Variants in CDKAL1 observed in about 807,000 individuals in gnomAD.
CDKAL1 encodes the protein CDKAL1 threonylcarbamoyladenosine tRNA methylthiotransferase.
CDKAL1 carries 32 observed loss-of-function variants against 68.2 expected under a neutral mutation model. The ratio of observed to expected loss-of-function variants is 0.47; its 90% CI spans 0.35 to 0.63. The LOEUF (loss-of-function observed/expected upper bound fraction) is 0.63. Ranked by LOEUF, CDKAL1 falls within the 30% of genes least tolerant of loss-of-function variation. The pLI, the probability that CDKAL1 is intolerant of heterozygous loss-of-function variation, is 0.00. For synonymous variants in CDKAL1, 234 were observed against 244.3 expected (o/e 0.96, Z 0.39); for missense variants, 606 against 696.7 (o/e 0.87, Z 1.47).
intron 10 of CDKAL1, among the ~76,000 whole-genome samples, chr6:20,984,816 G>GCA (rs1554152529): frequency 1.4e-5 from 2 of 145,440 alleles, no homozygotes; most frequent in African/African-American, 5.3e-5. Flanking sequence ...AGTAACGGGG[G>GCA]GGGGTGGGGA....
At chr6:20,628,187 A>C (rs1767515649) in intron 4 of CDKAL1, among the ~76,000 whole-genome samples, 1 of 152,070 alleles carries the variant, frequency 6.6e-6, no homozygotes, top group Non-Finnish European at 1.5e-5. Context: ...TTAGGGAGAA[A>C]GAATTTGTCT....
chr6:21,191,706 T>C (rs145062557), intron 13 of CDKAL1, among the ~76,000 whole-genome samples: 3 of 152,084 alleles, frequency 2.0e-5, no homozygotes, highest in Admixed American at 6.6e-5. Flanking sequence ...CATCTTACTT[T>C]CTTTGTCTGT....
At chr6:20,955,759 A>G (rs955280592) in intron 10 of CDKAL1, among the ~76,000 whole-genome samples, 174 bp downstream of exon 10, 13 of 152,110 alleles carry the variant, frequency 8.5e-5, no homozygotes, top group Non-Finnish European at 1.5e-4. Context: ...TTGGCAGGCA[A>G]CACTTTTTTA....
At chr6:20,696,835 TGA>T (rs1414424549) in intron 5 of CDKAL1, among the ~76,000 whole-genome samples, 2 of 152,180 alleles carry the variant, frequency 1.3e-5, no homozygotes, top group Non-Finnish European at 2.9e-5. Flanking sequence ...AGTTAGGACT[TGA>T]TGCAAACAGT....
chr6:21,075,528 A>G (rs1332021516), intron 12 of CDKAL1, among the ~76,000 whole-genome samples: 2 of 152,200 alleles, frequency 1.3e-5, no homozygotes, highest in Non-Finnish European at 2.9e-5. Context: ...AAAATAAATT[A>G]GACAATATAT....
chr6:20,915,001 T>C (rs1321862351), intron 9 of CDKAL1, among the ~76,000 whole-genome samples: 1 of 152,174 alleles, frequency 6.6e-6, no homozygotes, highest in Non-Finnish European at 1.5e-5. Context: ...GAATTTACTT[T>C]CTGAAATACT....
chr6:20,568,751 CAA>C (rs576218984), intron 4 of CDKAL1, among the ~76,000 whole-genome samples: 18,626 of 133,834 alleles, frequency 0.14, 2,775 homozygotes, highest in African/African-American at 0.36. Context: ...AAAAAAAAAA[CAA>C]AAAAACAAAA....
At chr6:21,054,659 T>C (rs1770732423) in intron 11 of CDKAL1, among the ~76,000 whole-genome samples, 1 of 152,200 alleles carries the variant, frequency 6.6e-6, no homozygotes, top group African/African-American at 2.4e-5. Flanking sequence ...CTTTAAATTC[T>C]CTCAGTTTAT....
intron 9 of CDKAL1, among the ~76,000 whole-genome samples, chr6:20,922,406 A>C (rs1456454394): frequency 6.6e-6 from 1 of 152,230 alleles, no homozygotes; most frequent in Non-Finnish European, 1.5e-5. Context: ...GAACATGAGA[A>C]AACAATGAAC....
chr6:21,165,618 AT>A (rs1452996508), intron 13 of CDKAL1, among the ~76,000 whole-genome samples: 3 of 152,230 alleles, frequency 2.0e-5, no homozygotes, highest in Non-Finnish European at 4.4e-5. Context: ...GTGTTGACGT[AT>A]AGTTCTCATT....
At chr6:21,046,197 C>T (rs2150903830) in intron 11 of CDKAL1, among the ~76,000 whole-genome samples, 1 of 152,366 alleles carries the variant, frequency 6.6e-6, no homozygotes. Flanking sequence ...AGATGCCACA[C>T]TATTAACCTG....
At chr6:20,905,407 A>G (rs1762187386) in intron 9 of CDKAL1, among the ~76,000 whole-genome samples, 1 of 152,214 alleles carries the variant, frequency 6.6e-6, no homozygotes, top group South Asian at 2.1e-4. Flanking sequence ...GAGGAACAGA[A>G]AAAAGAATGA....
chr6:20,790,886 A>G (rs1407333051), intron 8 of CDKAL1, among the ~76,000 whole-genome samples: 1 of 152,168 alleles, frequency 6.6e-6, no homozygotes, highest in African/African-American at 2.4e-5. Context: ...GTGAGTACAC[A>G]AAAAAGGTTA....
rs189181816 is a variant in CDKAL1, at chr6:20,664,690, G to C, written c.371+15313G>C. 4.4e-3 allele frequency among the ~76,000 whole-genome samples: 668 copies of C among 152,090 alleles called. 5 individuals carry two copies. Among genetic ancestry groups the C allele is most frequent in the African/African-American group, 0.015 (634 of 41,504 alleles). On this transcript the variant is annotated intron_variant, in intron 5 of 15. Transcript: ENST00000274695. The stretch of plus-strand genomic sequence containing the variant: ...CATTGATCAAGTAAATTTTTTAAAA[G>C]GTAATTTTTAAAAATAGGGAATAGA...
At chr6:20,646,087 CA>C (rs1374276125) in intron 4 of CDKAL1, among the ~76,000 whole-genome samples, 1 of 116,124 alleles carries the variant, frequency 8.6e-6, no homozygotes, top group Non-Finnish European at 1.6e-5. Flanking sequence ...GACAGAGTCT[CA>C]CTCTGTCACC....
intron 5 of CDKAL1, among the ~76,000 whole-genome samples, chr6:20,655,512 G>A (rs903161912): frequency 3.3e-5 from 5 of 152,192 alleles, no homozygotes; most frequent in Admixed American, 6.5e-5. Context: ...AGTGGTAGGC[G>A]AGCAAGCATT....
At chr6:20,609,386 C>G (rs1243299802) in intron 4 of CDKAL1, among the ~76,000 whole-genome samples, 44 of 105,392 alleles carry the variant, frequency 4.2e-4, no homozygotes, top group African/African-American at 1.5e-3. Flanking sequence ...TCTTCTTCTT[C>G]TTCTTCTTCT....
intron 4 of CDKAL1, among the ~76,000 whole-genome samples, chr6:20,552,521 A>G (rs1763874153): frequency 6.6e-6 from 1 of 152,156 alleles, no homozygotes. Context: ...TGGTATGTTT[A>G]TACAAGAATA....
At chr6:21,034,490 A>G (rs1441183823) in intron 11 of CDKAL1, among the ~76,000 whole-genome samples, 6 of 152,356 alleles carry the variant, frequency 3.9e-5, no homozygotes, top group East Asian at 1.9e-4. Flanking sequence ...TTTGTTTCAC[A>G]TAAGTGGCCA....
Sources: allele counts gnomAD v4.1 joint callset (sites outside exome capture counted in the v4.1 genomes callset), GRCh38; gene constraint gnomAD v4.1.1; transcripts MANE v1.5; gene names NCBI Gene and HGNC (gene_info 2026-07-23, HGNC 2026-07-21).